The following PDE1A variants were observed in gnomAD, a reference collection of about 807,000 sequenced individuals.
PDE1A encodes the protein phosphodiesterase 1A, also known as dual specificity calcium/calmodulin-dependent 3',5'-cyclic nucleotide phosphodiesterase 1A.
A neutral mutation model predicts 61.7 loss-of-function variants in PDE1A; 35 were observed. The observed-to-expected ratio is 0.57, with a 90% CI of 0.43 to 0.75. The LOEUF (loss-of-function observed/expected upper bound fraction) is 0.75. Ranked by LOEUF, PDE1A falls within the 30% of genes least tolerant of loss-of-function variation. The probability of loss-of-function intolerance (pLI) is 0.00; values close to 1 mark genes in which losing one functional copy is unlikely to be tolerated. For missense variants in PDE1A, 597 were observed against 630.6 expected (o/e 0.95, Z 0.57); for synonymous variants, 232 against 213.2 (o/e 1.09, Z -0.77).
intron 1 of PDE1A, among the ~76,000 whole-genome samples, chr2:182,398,169 T>A (rs1701813905): frequency 6.6e-6 from 1 of 152,048 alleles, no homozygotes; most frequent in Non-Finnish European, 1.5e-5. Flanking sequence ...AGGAAATTCT[T>A]ATTCTACTCT....
chr2:182,573,204 G>C, the PDE1A span, among the ~76,000 whole-genome samples: 1 of 152,046 alleles, frequency 6.6e-6, no homozygotes, highest in Non-Finnish European at 1.5e-5. Flanking sequence ...TTAACCCACT[G>C]ATCAAGCTTA....
intron 1 of PDE1A, among the ~76,000 whole-genome samples, chr2:182,386,722 C>T (rs889272191): frequency 3.3e-5 from 5 of 151,464 alleles, no homozygotes; most frequent in South Asian, 2.1e-4. Context: ...GGAGCGTCTC[C>T]GCCCGGCAGC....
the PDE1A span, among the ~76,000 whole-genome samples, chr2:182,549,556 T>G: frequency 6.6e-6 from 1 of 152,174 alleles, no homozygotes; most frequent in African/African-American, 2.4e-5. Context: ...GAACAAATTG[T>G]GTACTTAAAT....
At chr2:182,471,102 C>T (rs1401852189) in intron 2 of PDE1A, among the ~76,000 whole-genome samples, 1 of 151,764 alleles carries the variant, frequency 6.6e-6, no homozygotes, top group Non-Finnish European at 1.5e-5. Flanking sequence ...TGAAAGTCAA[C>T]TTGCTCTACA....
chr2:182,708,179 C>T, the PDE1A span, among the ~76,000 whole-genome samples: 1 of 151,988 alleles, frequency 6.6e-6, no homozygotes, highest in Non-Finnish European at 1.5e-5. Flanking sequence ...TAGGACTAGG[C>T]TCCCCAGATT....
chr2:182,567,544 C>T, the PDE1A span, among the ~76,000 whole-genome samples: 18 of 152,044 alleles, frequency 1.2e-4, no homozygotes, highest in Non-Finnish European at 1.8e-4. Context: ...CCATTTACAA[C>T]AAACAAAATC....
chr2:182,557,516 A>G, the PDE1A span, among the ~76,000 whole-genome samples: 2 of 152,098 alleles, frequency 1.3e-5, no homozygotes, highest in East Asian at 1.9e-4. Flanking sequence ...GTTCAAGACC[A>G]GCCTGGGGAA....
chr2:182,194,412 TTAAAA>T, intron 10 of PDE1A, among the ~76,000 whole-genome samples: 1 of 152,138 alleles, frequency 6.6e-6, no homozygotes, highest in East Asian at 1.9e-4. Flanking sequence ...TCAGTCATAG[TTAAAA>T]TAAAGCAGCA....
chr2:182,419,462 A>G (rs1703136165), intron 1 of PDE1A, among the ~76,000 whole-genome samples: 1 of 151,612 alleles, frequency 6.6e-6, no homozygotes, highest in African/African-American at 2.4e-5. Context: ...TAGCCTCCCG[A>G]GTAGCTAGGA....
chr2:182,539,137 T>C, the PDE1A span, among the ~76,000 whole-genome samples: 10 of 152,324 alleles, frequency 6.6e-5, no homozygotes, highest in South Asian at 2.1e-3. Context: ...TCCTTCAACA[T>C]ACAAAATTCC....
At chr2:182,703,313 G>T in the PDE1A span, among the ~76,000 whole-genome samples, 4 of 151,948 alleles carry the variant, frequency 2.6e-5, no homozygotes, top group Non-Finnish European at 5.9e-5. Flanking sequence ...ATTAATTTTC[G>T]CAGCTGTTGA....
the PDE1A span, among the ~76,000 whole-genome samples, chr2:182,604,125 A>C: frequency 6.6e-6 from 1 of 152,150 alleles, no homozygotes; most frequent in African/African-American, 2.4e-5. Flanking sequence ...ACAAAAGAAT[A>C]AGAATTTTAA....
At chr2:182,580,213 C>A in the PDE1A span, among the ~76,000 whole-genome samples, 3 of 152,068 alleles carry the variant, frequency 2.0e-5, no homozygotes, top group Non-Finnish European at 4.4e-5. Context: ...CAGAATGTGA[C>A]CTTATATTAA....
At chr2:182,140,198 G>A (rs1371274953) in exon 15 of PDE1A, 1 of 152,072 alleles carries the variant, frequency 6.6e-6, no homozygotes, top group African/African-American at 2.4e-5. Flanking sequence ...CTAGTTATTA[G>A]GTATAAATTA....
At chr2:182,641,424 A>G in the PDE1A span, among the ~76,000 whole-genome samples, 1 of 152,356 alleles carries the variant, frequency 6.6e-6, no homozygotes, top group East Asian at 1.9e-4. Context: ...ACTAATACAA[A>G]GAGTGATCAT....
At chr2:182,516,743 A>AGGAAGGAAGGAAGG (rs57365248) in intron 2 of PDE1A, among the ~76,000 whole-genome samples, 2 of 121,698 alleles carry the variant, frequency 1.6e-5, no homozygotes, top group Non-Finnish European at 3.5e-5. Context: ...GAAGGAAGGA[A>AGGAAGGAAGGAAGG]AAAGAGAGAA....
chr2:182,375,194 A>G (rs1400507014), intron 1 of PDE1A, among the ~76,000 whole-genome samples: 1 of 152,178 alleles, frequency 6.6e-6, no homozygotes, highest in Admixed American at 6.5e-5. Flanking sequence ...TTCACATTTC[A>G]AAACCAATCA....
At chr2:182,445,012 G>T (rs566219419) in intron 2 of PDE1A, among the ~76,000 whole-genome samples, 2 of 152,010 alleles carry the variant, frequency 1.3e-5, no homozygotes, top group Admixed American at 1.3e-4. Context: ...TGTAGAAAAT[G>T]GAATTTTAGA....
chr2:182,424,698 T>C (rs764306236), intron 1 of PDE1A, among the ~76,000 whole-genome samples: 8 of 152,222 alleles, frequency 5.3e-5, no homozygotes, highest in Non-Finnish European at 5.9e-5. Flanking sequence ...ACTTTCTCTG[T>C]GCAATTAAGC....
Sources: allele counts gnomAD v4.1 joint callset (sites outside exome capture counted in the v4.1 genomes callset), GRCh38; gene constraint gnomAD v4.1.1; transcripts MANE v1.5; gene names NCBI Gene and HGNC (gene_info 2026-07-23, HGNC 2026-07-21).